Variants in WNT6 observed in about 807,000 individuals in gnomAD.
WNT6 encodes the protein protein Wnt-6.
WNT6 carries 27 observed loss-of-function variants against 33.1 expected under a neutral mutation model. That is an observed-to-expected ratio of 0.82 (90% CI 0.60 to 1.12). The LOEUF is 1.12. Among genes scored for constraint, WNT6 ranks in the 50% most tolerant of loss-of-function variants. The probability of loss-of-function intolerance (pLI) is 0.00; values close to 1 mark genes in which losing one functional copy is unlikely to be tolerated. For synonymous variants in WNT6, 249 were observed against 242.8 expected (o/e 1.03, Z -0.24); for missense variants, 494 against 535.3 (o/e 0.92, Z 0.76).
intron 1 of WNT6, among the ~76,000 whole-genome samples, chr2:218,870,535 G>A (rs1282132138): frequency 6.6e-6 from 1 of 152,130 alleles, no homozygotes; most frequent in Non-Finnish European, 1.5e-5. Context: ...CTTTCATCCG[G>A]GCTGTTCAGC....
At chr2:218,872,929 G>A (rs1944416195) in intron 3 of WNT6, among the ~76,000 whole-genome samples, 1 of 152,164 alleles carries the variant, frequency 6.6e-6, no homozygotes, top group Admixed American at 6.5e-5. Context: ...GGGGAGGGGT[G>A]ACGGAGACAG....
chr2:218,863,847 C>CTCAA (rs1553620620), intron 1 of WNT6, among the ~76,000 whole-genome samples: 1 of 152,162 alleles, frequency 6.6e-6, no homozygotes, highest in Non-Finnish European at 1.5e-5. Flanking sequence ...AAGACTCTGT[C>CTCAA]TCAATCAATC....
chr2:218,873,270 A>C lies in WNT6; in HGVS notation c.637-114A>C. ...GAACTTGCGGTCTCCTTTTGTCTGC[A>C]TTTTCCTCTCTTCCTTTCACCTCCC... is the stretch of plus-strand genomic sequence containing the variant. On this transcript the variant is annotated intron_variant, in intron 3 of 3. Transcript: ENST00000233948. The surrounding 1 kb of genome is among the most constrained non-coding windows in gnomAD (Gnocchi z 6.1). 1.8e-6 allele frequency: 2 copies of C among 1,096,390 alleles called. No individual in the cohort carries two copies. The highest frequency in any genetic ancestry group is 1.6e-5 in the South Asian group (1 of 61,832). 67.9% of individuals were successfully genotyped at this position (1,096,390 alleles called of 1,614,324 possible). A position where few individuals can be genotyped will look rare whatever the true frequency, so the allele number is the denominator to read the frequency against.
At position 218,873,938 on chromosome 2, in the gene WNT6, A is replaced by T; in HGVS notation, c.*93A>T. On this transcript the variant is annotated 3_prime_UTR_variant, in exon 4 of 4. Transcript: ENST00000233948. This position sits in a 1 kb window ranked among gnomAD's most constrained non-coding sequence, Gnocchi z 6.1. ...GGCACCGGGCGCCTCTCGCCGCTCG[A>T]GCCCAGCCTCTCCCTGCCAAAGCCC... The T allele has an allele frequency of 7.8e-7, 1 of 1,277,522 alleles. No individual in the cohort carries two copies. The highest frequency in any genetic ancestry group is 1.0e-6 in the Non-Finnish European group (1 of 975,970). 79.1% of individuals were successfully genotyped at this position (1,277,522 alleles called of 1,614,324 possible).
At chr2:218,862,716 A>AT (rs974734694) in intron 1 of WNT6, among the ~76,000 whole-genome samples, 4 of 145,868 alleles carry the variant, frequency 2.7e-5, no homozygotes, top group Non-Finnish European at 6.0e-5. Context: ...TTTATTTTTT[A>AT]TTTTTTTGAG....
intron 1 of WNT6, 105 bp from the exon 2 acceptor site, chr2:218,870,922 C>A: frequency 9.4e-7 from 1 of 1,066,126 alleles, no homozygotes; most frequent in Non-Finnish European, 1.4e-6. Context: ...GGTGGGAGGG[C>A]ATGTCACAGC....
At chr2:218,868,805 G>A (rs1012552344) in intron 1 of WNT6, among the ~76,000 whole-genome samples, 1 of 152,168 alleles carries the variant, frequency 6.6e-6, no homozygotes, top group Admixed American at 6.5e-5. Context: ...GAAAATTGGG[G>A]TTGGGGGAGG....
chr2:218,865,968 G>A (rs1221791451), intron 1 of WNT6, among the ~76,000 whole-genome samples: 3 of 151,294 alleles, frequency 2.0e-5, no homozygotes, highest in African/African-American at 7.3e-5. Flanking sequence ...GGTTAATGGA[G>A]CTGGGCATCA....
intron 3 of WNT6, among the ~76,000 whole-genome samples, chr2:218,872,388 G>T (rs1944410526): frequency 6.6e-6 from 1 of 152,166 alleles, no homozygotes; most frequent in Non-Finnish European, 1.5e-5. Context: ...GAGTCAGGTG[G>T]AGGCCAGGAC....
At chr2:218,864,928 T>TC (rs908847679) in intron 1 of WNT6, among the ~76,000 whole-genome samples, 6 of 152,106 alleles carry the variant, frequency 3.9e-5, no homozygotes, top group African/African-American at 1.4e-4. Flanking sequence ...GGCCATCCAT[T>TC]CCCCCCTCCA....
At position 218,873,638 on chromosome 2, in the gene WNT6, C is replaced by T. The variant is rs1343992461; in HGVS notation, c.891C>T (p.Asn297=). 1.3e-6 allele frequency: 2 copies of T among 1,581,024 alleles called. No individual in the cohort carries two copies. Among genetic ancestry groups the T allele is most frequent in the South Asian group, 1.1e-5 (1 of 88,380 alleles). ...AADSPDFCAP[N]RRTGSPGTRG... is the part of the protein sequence containing the mutation. ...ATTCGCCCGACTTCTGCGCCCCCAA[C>T]CGACGCACCGGCTCCCCCGGCACGC... Residue 297 remains asparagine (N), a synonymous_variant, in exon 4 of 4, where the codon AAC becomes AAT. Transcript: ENST00000233948. The surrounding 1 kb of genome is among the most constrained non-coding windows in gnomAD (Gnocchi z 6.1).
intron 1 of WNT6, among the ~76,000 whole-genome samples, chr2:218,865,386 A>G (rs1944346346): frequency 6.6e-6 from 1 of 152,310 alleles, no homozygotes. Flanking sequence ...TGAGGGAGAG[A>G]AAGGGCTCTG....
rs1339441560 is a variant in WNT6, at chr2:218,873,695, C to T, written c.948C>T (p.Asp316=). The T allele has an allele frequency of 6.3e-7, 1 of 1,577,244 alleles. No individual in the cohort carries two copies. The highest frequency in any genetic ancestry group is 1.7e-5 in the Admixed American group (1 of 58,302). ...GCGCCTGCAATAGCAGCGCCCCGGACCTCAGCGGCTGCGACCTGCTGTGCT... is the reference window on the plus strand; with the variant it reads ...GCGCCTGCAATAGCAGCGCCCCGGATCTCAGCGGCTGCGACCTGCTGTGCT... ...RGRACNSSAP[D]LSGCDLLCCG... The change falls in exon 4 of 4, where the codon GAC becomes GAT. Residue 316 remains aspartate (D), a synonymous_variant. Transcript: ENST00000233948. This position sits in a 1 kb window ranked among gnomAD's most constrained non-coding sequence, Gnocchi z 6.1.
At chr2:218,862,911 G>T (rs992417235) in intron 1 of WNT6, among the ~76,000 whole-genome samples, 15 of 151,798 alleles carry the variant, frequency 9.9e-5, no homozygotes, top group African/African-American at 3.6e-4. Flanking sequence ...CACCATGTTG[G>T]TCAGGCTGGT....
In WNT6 at chr2:218,873,663, C is replaced by G. The variant is rs1034394582; in HGVS notation, c.916C>G (p.Arg306Gly). ...PNRRTGSPGT[R>G]GRACNSSAPD... ...CCGACGCACCGGCTCCCCCGGCACG[C>G]GCGGTCGCGCCTGCAATAGCAGCGC... The change falls in exon 4 of 4, where the codon CGC (arginine) becomes GGC (glycine). Residue 306 changes from arginine (R) to glycine (G), a missense_variant. Physicochemically the swap from Arg to Gly is moderately radical, Grantham distance 125 (BLOSUM62 -2). Transcript: ENST00000233948. The surrounding 1 kb of genome is among the most constrained non-coding windows in gnomAD (Gnocchi z 6.1). 82 of 1,582,118 alleles carry G rather than the reference C, an allele frequency of 5.2e-5. No individual in the cohort carries two copies. The highest frequency in any genetic ancestry group is 6.7e-5 in the Non-Finnish European group (78 of 1,171,582).
rs1356434597 is a variant in WNT6, at chr2:218,873,631, C to T, written c.884C>T (p.Ala295Val). Residue 295 changes from alanine (A) to valine (V), a missense_variant, in exon 4 of 4, where the codon GCC (alanine) becomes GTC (valine). By Grantham distance (64) the Ala-to-Val change is moderately conservative. Coordinates refer to ENST00000233948, the MANE Select transcript of WNT6 (RefSeq NM_006522.4). The surrounding 1 kb of genome is among the most constrained non-coding windows in gnomAD (Gnocchi z 6.1). ...GCCGCCGATTCGCCCGACTTCTGCG[C>T]CCCCAACCGACGCACCGGCTCCCCC... ...LYAADSPDFC[A>V]PNRRTGSPGT... 6.3e-7 allele frequency: 1 copy of T among 1,579,754 alleles called. No homozygotes were observed. The highest frequency in any genetic ancestry group is 8.5e-7 in the Non-Finnish European group (1 of 1,170,222).
chr2:218,862,581 C>T (rs1944319440), intron 1 of WNT6, among the ~76,000 whole-genome samples: 1 of 152,146 alleles, frequency 6.6e-6, no homozygotes, highest in African/African-American at 2.4e-5. Context: ...CAAGGTTTCA[C>T]CGTGTTGGTC....
rs1258127851 is a variant in WNT6 at position 218,871,804 on chromosome 2, C to T, written c.621C>T (p.Asn207=). 7 of 1,590,196 alleles carry T rather than the reference C, an allele frequency of 4.4e-6. No individual in the cohort carries two copies. The highest frequency in any genetic ancestry group is 3.4e-5 in the Admixed American group (2 of 57,974). ...GCGCGTTGGTGCAACTGCACAACAA[C>T]GAGGCGGGCAGGCTGGTGCGTACGG... ...DIRALVQLHN[N]EAGRLAVRSH... is the part of the protein sequence containing the mutation. The change falls in exon 3 of 4, where the codon AAC becomes AAT. Residue 207 remains asparagine, a synonymous_variant. Transcript: ENST00000233948. This position sits in a 1 kb window ranked among gnomAD's most constrained non-coding sequence, Gnocchi z 6.4.
intron 1 of WNT6, 128 bp from the exon 2 acceptor site, chr2:218,870,897 TCA>T: frequency 1.2e-6 from 1 of 802,874 alleles, no homozygotes; most frequent in Non-Finnish European, 2.0e-6. Context: ...AATCTCAAGC[TCA>T]GTTTGGAGGT....
Sources: gnomAD v4.1 joint callset for allele counts (sites outside exome capture counted in the v4.1 genomes callset) on GRCh38, gnomAD v4.1.1 for gene constraint, Gnocchi (gnomAD v3.1) non-coding constraint, MANE v1.5 for transcripts, NCBI Gene and HGNC (gene_info 2026-07-23, HGNC 2026-07-21) for gene names.